BACH2: variants seen among roughly 807,000 people sequenced by gnomAD.
BACH2 encodes the protein BACH transcriptional regulator 2.
A neutral mutation model predicts 61.8 loss-of-function variants in BACH2; 5 were observed. The ratio of observed to expected loss-of-function variants is 0.08; its 90% CI spans 0.04 to 0.17. The LOEUF is 0.17. BACH2 is among the 10% of genes least tolerant of loss of function. The pLI is 1.00. For synonymous variants in BACH2, 446 were observed against 440.1 expected (o/e 1.01, Z -0.17); for missense variants, 824 against 1,091.1 (o/e 0.76, Z 3.45).
intron 3 of BACH2, among the ~76,000 whole-genome samples, chr6:90,246,279 T>C (rs1318711035): frequency 1.3e-5 from 2 of 152,196 alleles, no homozygotes; most frequent in Admixed American, 1.3e-4. Flanking sequence ...CTTTTATAAG[T>C]ATAATGTGTA....
chr6:90,003,709 T>C (rs1777255122), intron 6 of BACH2, among the ~76,000 whole-genome samples: 1 of 152,206 alleles, frequency 6.6e-6, no homozygotes, highest in South Asian at 2.1e-4. Context: ...AGTGTGGTTT[T>C]CCCAGCCCCT....
intron 4 of BACH2, among the ~76,000 whole-genome samples, chr6:90,200,011 T>C (rs1365297431): frequency 6.6e-6 from 1 of 152,136 alleles, no homozygotes; most frequent in Non-Finnish European, 1.5e-5. Context: ...TAAAGAGCTT[T>C]TGTTTATGTG....
intron 5 of BACH2, among the ~76,000 whole-genome samples, chr6:90,017,672 T>C (rs9784864): frequency 1.6e-4 from 24 of 152,330 alleles, no homozygotes; most frequent in African/African-American, 5.8e-4. Context: ...TTATAAAAAA[T>C]CTTCCATGTC....
At chr6:90,255,838 C>A (rs756376976) in intron 2 of BACH2, among the ~76,000 whole-genome samples, 2 of 152,168 alleles carry the variant, frequency 1.3e-5, no homozygotes. Flanking sequence ...AAGGGTCCAA[C>A]GTGAAGCAGG....
At chr6:90,099,254 AG>A (rs1192549452) in intron 4 of BACH2, among the ~76,000 whole-genome samples, 1 of 152,214 alleles carries the variant, frequency 6.6e-6, no homozygotes, top group Non-Finnish European at 1.5e-5. Flanking sequence ...GCAGTGAATT[AG>A]GAATAAGCCT....
intron 4 of BACH2, among the ~76,000 whole-genome samples, chr6:90,183,951 C>A (rs1398272121): frequency 6.6e-6 from 1 of 152,146 alleles, no homozygotes; most frequent in Admixed American, 6.5e-5. Flanking sequence ...AACATTTAAC[C>A]ATGAGAGGTA....
intron 3 of BACH2, among the ~76,000 whole-genome samples, chr6:90,213,283 A>T (rs1293973685): frequency 6.6e-6 from 1 of 152,202 alleles, no homozygotes; most frequent in East Asian, 1.9e-4. Context: ...CAAGAAACGG[A>T]GTTGAGAGAC....
At position 89,930,719 on chromosome 6, in the gene BACH2, T is replaced by A. The variant is rs1478549394; in HGVS notation, c.*1689A>T. On this transcript the variant is annotated 3_prime_UTR_variant, in exon 9 of 9. Transcript: ENST00000257749. Reference sequence around the variant, plus strand: ...TTGCAGCAAGAAGAGAAAATTATCATCAGGTGAGGGTAGGGTATGTGTGTG... The same window carrying A: ...TTGCAGCAAGAAGAGAAAATTATCAACAGGTGAGGGTAGGGTATGTGTGTG... The A allele has an allele frequency of 6.6e-6, 1 of 152,634 alleles. No homozygotes were observed. Among genetic ancestry groups the A allele is most frequent in the Non-Finnish European group, 1.5e-5 (1 of 68,040 alleles). The allele number at this position is 152,634 out of a possible 1,614,324, so 9.5% of individuals were successfully genotyped here. A position where few individuals can be genotyped will look rare whatever the true frequency, so the allele number is the denominator to read the frequency against.
chr6:90,119,854 A>C (rs1783552406), intron 4 of BACH2, among the ~76,000 whole-genome samples: 1 of 152,250 alleles, frequency 6.6e-6, no homozygotes, highest in Non-Finnish European at 1.5e-5. Flanking sequence ...CAAAAACGCC[A>C]AATCTATCAA....
At chr6:89,939,511 G>A (rs1229699569) in intron 7 of BACH2, among the ~76,000 whole-genome samples, 2 of 152,144 alleles carry the variant, frequency 1.3e-5, no homozygotes, top group Non-Finnish European at 2.9e-5. Flanking sequence ...ATTGGATGCA[G>A]GTACTTGCCA....
In BACH2 at chr6:90,073,519, T is replaced by G. The variant is rs78699422; in HGVS notation, c.-13+15442A>C. Among the ~76,000 whole-genome samples, 197 of 152,330 alleles carry G rather than the reference T, an allele frequency of 1.3e-3. 3 individuals carry two copies. In the East Asian group the frequency reaches 0.034, roughly 27 times the overall value. On this transcript the variant is annotated intron_variant, in intron 5 of 8. Transcript: ENST00000257749. ...ATCCATCTGCAAATACTTGAAAACC[T>G]TTAGAGGTTAATACTAAGTCAGCTC...
intron 4 of BACH2, among the ~76,000 whole-genome samples, chr6:90,126,863 A>C (rs955726324): frequency 1.3e-5 from 2 of 152,248 alleles, no homozygotes; most frequent in Non-Finnish European, 2.9e-5. Flanking sequence ...AAAATCTAAC[A>C]GCCGAGTGGT....
At chr6:90,068,517 C>G (rs1781070282) in intron 5 of BACH2, among the ~76,000 whole-genome samples, 1 of 152,112 alleles carries the variant, frequency 6.6e-6, no homozygotes, top group African/African-American at 2.4e-5. Flanking sequence ...ACGCTGAGGC[C>G]CAGGGCTGCT....
intron 5 of BACH2, among the ~76,000 whole-genome samples, chr6:90,076,410 C>A (rs1426628839): frequency 6.6e-6 from 1 of 152,310 alleles, no homozygotes; most frequent in East Asian, 1.9e-4. Flanking sequence ...AATACTTATT[C>A]CCTTATGGTC....
intron 4 of BACH2, among the ~76,000 whole-genome samples, chr6:90,115,839 C>T (rs1235233946): frequency 6.6e-6 from 1 of 152,064 alleles, no homozygotes; most frequent in African/African-American, 2.4e-5. Context: ...AAATAAACAA[C>T]CCTGTTCAAA....
chr6:90,039,541 C>T (rs560690352), intron 5 of BACH2, among the ~76,000 whole-genome samples: 12 of 152,242 alleles, frequency 7.9e-5, no homozygotes, highest in African/African-American at 1.7e-4. Flanking sequence ...CGTGCTACCA[C>T]GGCCGGCTAA....
intron 5 of BACH2, among the ~76,000 whole-genome samples, chr6:90,013,848 T>C (rs188661776): frequency 7.4e-4 from 113 of 152,016 alleles, no homozygotes; most frequent in African/African-American, 2.5e-3. Flanking sequence ...GTGGCACTCA[T>C]GGCTCACTGC....
chr6:90,015,124 T>C (rs959747389), intron 5 of BACH2, among the ~76,000 whole-genome samples: 1 of 152,192 alleles, frequency 6.6e-6, no homozygotes. Flanking sequence ...ATGGGTTGAA[T>C]CTGTACTGAT....
intron 1 of BACH2, among the ~76,000 whole-genome samples, chr6:90,295,690 C>T (rs905566444): frequency 6.8e-6 from 1 of 147,026 alleles, no homozygotes; most frequent in African/African-American, 2.7e-5. Context: ...TGTGTTGCAC[C>T]TTGACTTCAT....
Sources: gnomAD v4.1 joint callset for allele counts (sites outside exome capture counted in the v4.1 genomes callset) on GRCh38, gnomAD v4.1.1 for gene constraint, MANE v1.5 for transcripts, NCBI Gene and HGNC (gene_info 2026-07-23, HGNC 2026-07-21) for gene names.